IRS2: variants seen among roughly 807,000 people sequenced by gnomAD.
The protein encoded by IRS2 is insulin receptor substrate 2.
In IRS2, 28 loss-of-function variants were observed where a neutral mutation model predicts 70.9. The observed-to-expected ratio is 0.39, with a 90% CI of 0.29 to 0.54. IRS2 has a LOEUF of 0.54. Ranked by LOEUF, IRS2 falls within the 20% of genes least tolerant of loss-of-function variation. IRS2 has a pLI of 0.59. For missense variants in IRS2, 2,081 were observed against 2,024.1 expected, an observed-to-expected ratio of 1.03 and a Z score of -0.54; for synonymous variants, 1,217 against 981.9, an observed-to-expected ratio of 1.24 and a Z score of -4.48.
intron 1 of IRS2, among the ~76,000 whole-genome samples, chr13:109,769,573 C>T (rs912494551): frequency 1.1e-4 from 16 of 152,306 alleles, no homozygotes; most frequent in Admixed American, 3.3e-4. Flanking sequence ...GGTTGCTTGG[C>T]TCAAATTTCC....
At position 109,782,201 on chromosome 13, in the gene IRS2, C is replaced by G. The variant is rs1877723711; in HGVS notation, c.3853G>C (p.Gly1285Arg). The change falls in exon 1 of 2, where the codon GGC becomes CGC. Residue 1285 changes from glycine (G) to arginine (R), a missense_variant. Coordinates refer to ENST00000375856, the MANE Select transcript of IRS2 (RefSeq NM_003749.3). Reference protein sequence around the residue: ...LPQPGDKSSWGRTRSLGGLIS... With the variant: ...LPQPGDKSSWRRTRSLGGLIS... ...AGACCCCCGAGGCTTCGGGTCCGGC[C>G]CCAGGAGCTCTTGTCTCCCGGCTGA... 6.2e-7 allele frequency: 1 copy of G among 1,606,574 alleles called. No individual in the cohort carries two copies. The highest frequency in any genetic ancestry group is 1.3e-5 in the African/African-American group (1 of 74,822).
Position 109,784,943 on chromosome 13 carries a change from C to A in IRS2, c.1111G>T (p.Ala371Ser). The change falls in exon 1 of 2, where the codon GCG becomes TCG. Residue 371 changes from alanine to serine, a missense_variant. Ala to Ser is a moderately conservative substitution (Grantham distance 99). This residue lies in a region of IRS2 where 111 missense variants were observed against 133.1 expected (regional missense o/e 0.83). Transcript: ENST00000375856. The surrounding 1 kb of genome is among the most constrained non-coding windows in gnomAD (Gnocchi z 5.2). ...CCCGCGGCCGCCGCTCCCGCCGCCG[C>A]GCCGCCGTCGCCCTCGCTGGCGGTG... ...VRTASEGDGG[A>S]AAGAAAAGAR... is the part of the protein sequence containing the mutation. 8.9e-7 allele frequency: 1 copy of A among 1,122,408 alleles called. No individual in the cohort carries two copies. Among genetic ancestry groups the A allele is most frequent in the Non-Finnish European group, 1.1e-6 (1 of 918,856 alleles). 69.5% of individuals were successfully genotyped at this position (1,122,408 alleles called of 1,614,324 possible).
rs1001578029 is a variant in IRS2 at position 109,784,468 on chromosome 13, G to A, written c.1586C>T (p.Pro529Leu). ...NTPESIAETPPARDGGGGGEF... is the reference protein window; with the variant it reads ...NTPESIAETPLARDGGGGGEF... Reference sequence around the variant, plus strand: ...ACCGCCGCCGCCGCCGTCTCGGGCCGGGGGCGTCTCCGCGATGGACTCGGG... The same window carrying A: ...ACCGCCGCCGCCGCCGTCTCGGGCCAGGGGCGTCTCCGCGATGGACTCGGG... Residue 529 changes from proline to leucine, a missense_variant, in exon 1 of 2, where the codon CCG becomes CTG. Pro to Leu is a moderately conservative substitution (Grantham distance 98). This residue lies in a region of IRS2 where 1,615 missense variants were observed against 1,459.5 expected (regional missense o/e 1.11). Transcript: ENST00000375856. The surrounding 1 kb of genome is among the most constrained non-coding windows in gnomAD (Gnocchi z 5.2). 1 of 1,580,206 alleles carries A rather than the reference G, an allele frequency of 6.3e-7. No homozygotes were observed. The highest frequency in any genetic ancestry group is 1.1e-5 in the South Asian group (1 of 89,218).
At chr13:109,762,191 A>G (rs1877241476) in intron 1 of IRS2, among the ~76,000 whole-genome samples, 1 of 152,224 alleles carries the variant, frequency 6.6e-6, no homozygotes, top group African/African-American at 2.4e-5. Flanking sequence ...CATGTGCATG[A>G]AGTGAGCTAT....
At chr13:109,759,587 A>G (rs772023756) in intron 1 of IRS2, among the ~76,000 whole-genome samples, 1 of 152,180 alleles carries the variant, frequency 6.6e-6, no homozygotes, top group Non-Finnish European at 1.5e-5. Flanking sequence ...AACCCTAAGT[A>G]TCATTTTTAT....
In IRS2 at chr13:109,783,892, G is replaced by C. The variant is rs771355031; in HGVS notation, c.2162C>G (p.Pro721Arg). The change falls in exon 1 of 2, where the codon CCG (proline) becomes CGG (arginine). Residue 721 changes from proline to arginine, a missense_variant. By Grantham distance (103) the Pro-to-Arg change is moderately radical. Around this residue, in one of 4 missense-constraint regions of IRS2, gnomAD observed 1,615 missense variants for 1,459.5 expected, o/e 1.11. Transcript: ENST00000375856. ...GGCCTTGTAGCCGCCCCCGCTCGCCGGGAATGTCCTGCCCGCCGCAGAGGT... is the reference window on the plus strand; with the variant it reads ...GGCCTTGTAGCCGCCCCCGCTCGCCCGGAATGTCCTGCCCGCCGCAGAGGT... ...APTSAAGRTF[P>R]ASGGGYKASS... 2 of 1,547,512 alleles carry C rather than the reference G, an allele frequency of 1.3e-6. No individual in the cohort carries two copies. Among genetic ancestry groups the C allele is most frequent in the Admixed American group, 2.0e-5 (1 of 51,096 alleles).
intron 1 of IRS2, among the ~76,000 whole-genome samples, chr13:109,778,787 T>C (rs1275029417): frequency 6.6e-6 from 1 of 152,174 alleles, no homozygotes; most frequent in Non-Finnish European, 1.5e-5. Flanking sequence ...TACATACATA[T>C]ATATACGCCA....
In IRS2 at chr13:109,755,233, G is replaced by GTTTTTTTTTT. The variant is rs57032199; in HGVS notation, c.*1070_*1071insAAAAAAAAAA. 1 of 206,166 alleles carries GTTTTTTTTTT rather than the reference G, an allele frequency of 4.9e-6. No homozygotes were observed. The highest frequency in any genetic ancestry group is 2.5e-5 in the African/African-American group (1 of 40,016). The allele number at this position is 206,166 out of a possible 1,614,324, so 12.8% of individuals were successfully genotyped here. A position where few individuals can be genotyped will look rare whatever the true frequency, so the allele number is the denominator to read the frequency against. On this transcript the variant is annotated 3_prime_UTR_variant, in exon 2 of 2. Coordinates refer to ENST00000375856, the MANE Select transcript of IRS2 (RefSeq NM_003749.3). ...TCTTTCCTTTTTTTTTTTTCTTTTTGTTTTTTTTGTTCAGGGCAGCCTCAC... is the reference window on the plus strand; with the variant it reads ...TCTTTCCTTTTTTTTTTTTCTTTTTGTTTTTTTTTTTTTTTTTTGTTCAGGGCAGCCTCAC...
At chr13:109,762,667 G>A (rs140253444) in intron 1 of IRS2, among the ~76,000 whole-genome samples, 1 of 152,222 alleles carries the variant, frequency 6.6e-6, no homozygotes, top group Non-Finnish European at 1.5e-5. Flanking sequence ...CTCCATGGTT[G>A]GTCTTCCTTG....
At chr13:109,777,595 C>T (rs1390439488) in intron 1 of IRS2, among the ~76,000 whole-genome samples, 1 of 152,106 alleles carries the variant, frequency 6.6e-6, no homozygotes, top group Non-Finnish European at 1.5e-5. Flanking sequence ...CTCATTAAAT[C>T]GACCCCAAAG....
chr13:109,773,658 C>T (rs1877508130), intron 1 of IRS2, among the ~76,000 whole-genome samples: 1 of 152,178 alleles, frequency 6.6e-6, no homozygotes, highest in South Asian at 2.1e-4. Flanking sequence ...CAGTAGACAC[C>T]GTCCACATAG....
intron 1 of IRS2, among the ~76,000 whole-genome samples, chr13:109,780,249 A>T (rs908748859): frequency 1.3e-5 from 2 of 152,248 alleles, no homozygotes; most frequent in African/African-American, 4.8e-5. Context: ...GACCATAAAT[A>T]TGTGTGTTTT....
At chr13:109,770,606 G>A (rs1458578854) in intron 1 of IRS2, among the ~76,000 whole-genome samples, 6 of 152,152 alleles carry the variant, frequency 3.9e-5, no homozygotes, top group African/African-American at 1.4e-4. Context: ...GAGACATCCC[G>A]TGAAACATCC....
chr13:109,772,467 G>T (rs1029923179), intron 1 of IRS2, among the ~76,000 whole-genome samples: 47 of 152,156 alleles, frequency 3.1e-4, no homozygotes, highest in African/African-American at 1.1e-3. Flanking sequence ...CTGGAAGAAG[G>T]TCCGTAACTC....
At chr13:109,764,446 G>T (rs1036983913) in intron 1 of IRS2, among the ~76,000 whole-genome samples, 9 of 152,156 alleles carry the variant, frequency 5.9e-5, no homozygotes, top group Non-Finnish European at 1.0e-4. Context: ...CCTGTCAAAT[G>T]AGATTTCATG....
In IRS2 at chr13:109,782,335, C is replaced by G; in HGVS notation, c.3719G>C (p.Arg1240Pro). 6.2e-7 allele frequency: 1 copy of G among 1,611,642 alleles called. No individual in the cohort carries two copies. The highest frequency in any genetic ancestry group is 8.5e-7 in the Non-Finnish European group (1 of 1,179,402). The stretch of plus-strand genomic sequence containing the variant: ...CTGGAAGCCGGCAGAGGTCTCTCTG[C>G]GCATGGGCGATCCACCGCTCCCAGG... ...GCPGSGGSPM[R>P]RETSAGFQNG... The change falls in exon 1 of 2, where the codon CGC becomes CCC. Residue 1240 changes from arginine (R) to proline (P), a missense_variant. Coordinates refer to ENST00000375856, the MANE Select transcript of IRS2 (RefSeq NM_003749.3).
At chr13:109,762,338 A>G (rs72667744) in intron 1 of IRS2, among the ~76,000 whole-genome samples, 7,508 of 152,296 alleles carry the variant, frequency 0.049, 266 homozygotes, top group Middle Eastern at 0.11. Context: ...TTTCTTTTAA[A>G]TTATGAAATG....
chr13:109,761,982 C>T (rs1877236587), intron 1 of IRS2, among the ~76,000 whole-genome samples: 1 of 152,166 alleles, frequency 6.6e-6, no homozygotes, highest in Admixed American at 6.5e-5. Flanking sequence ...TAATCCTGCA[C>T]ATAAGACCTG....
At chr13:109,772,457 C>G (rs756908490) in intron 1 of IRS2, among the ~76,000 whole-genome samples, 1 of 152,306 alleles carries the variant, frequency 6.6e-6, no homozygotes, top group East Asian at 1.9e-4. Context: ...TCTTCTTAAC[C>G]TGGAAGAAGG....
Sources: gnomAD v4.1 joint callset for allele counts (sites outside exome capture counted in the v4.1 genomes callset) on GRCh38, gnomAD v4.1.1 for gene constraint, gnomAD v4.1.1 regional missense constraint, Gnocchi (gnomAD v3.1) non-coding constraint, MANE v1.5 for transcripts, NCBI Gene and HGNC (gene_info 2026-07-23, HGNC 2026-07-21) for gene names.